CCDC61: variants seen among roughly 807,000 people sequenced by gnomAD.
CCDC61 encodes coiled-coil domain containing 61.
Under a neutral mutation model 63.0 loss-of-function variants are expected in CCDC61, and 55 were observed. That is an observed-to-expected ratio of 0.87 (90% CI 0.70 to 1.09). CCDC61 has a LOEUF of 1.09. CCDC61 is among the 50% of genes least tolerant of loss of function. The pLI is 0.00. For missense variants in CCDC61, 651 were observed against 731.4 expected (o/e 0.89, Z 1.27); for synonymous variants, 270 against 317.0 (o/e 0.85, Z 1.58).
chr19:46,017,476 G>C (rs547750630), intron 12 of CCDC61, among the ~76,000 whole-genome samples, 172 bp downstream of exon 12: 1 of 151,900 alleles, frequency 6.6e-6, no homozygotes, highest in African/African-American at 2.4e-5. Context: ...TGTAGCTCAC[G>C]GCAGCTTTCA....
rs779621058 is a variant in CCDC61 at position 46,018,402 on chromosome 19, A to C, written c.*15A>C. ...TGCGGTCATAACGTGGAGAAGGGGT[A>C]CTACCCCTCCATCCCCCACCCACTT... On this transcript the variant is annotated 3_prime_UTR_variant, in exon 14 of 14. Coordinates refer to ENST00000595358, the MANE Select transcript of CCDC61 (RefSeq NM_001267723.2). The surrounding 1 kb of genome is among the most constrained non-coding windows in gnomAD (Gnocchi z 4.2). The C allele has an allele frequency of 6.4e-7, 1 of 1,550,974 alleles. No individual in the cohort carries two copies. Among genetic ancestry groups the C allele is most frequent in the South Asian group, 1.2e-5 (1 of 84,174 alleles).
chr19:45,999,940 G>A (rs992325202), intron 1 of CCDC61: 3 of 822,312 alleles, frequency 3.6e-6, no homozygotes, highest in Non-Finnish European at 4.4e-6. Flanking sequence ...GCTGGGATGC[G>A]TGAGGTCAGG....
At chr19:46,004,822 G>A (rs559292668) in intron 3 of CCDC61, among the ~76,000 whole-genome samples, 5 of 149,638 alleles carry the variant, frequency 3.3e-5, no homozygotes, top group African/African-American at 1.2e-4. Context: ...AGGGATGGGT[G>A]GTATTTAGAT....
At chr19:46,007,708 C>T (rs1968738626) in intron 4 of CCDC61, among the ~76,000 whole-genome samples, 1 of 152,208 alleles carries the variant, frequency 6.6e-6, no homozygotes, top group African/African-American at 2.4e-5. Context: ...TACCAATCCT[C>T]TGTGAATAGC....
chr19:46,016,763 G>C lies in CCDC61; in HGVS notation c.1161G>C (p.Gln387His). 1.9e-6 allele frequency: 3 copies of C among 1,584,232 alleles called. No individual in the cohort carries two copies. Among genetic ancestry groups the C allele is most frequent in the Non-Finnish European group, 2.6e-6 (3 of 1,166,252 alleles). ...GTCCGTCCGTCTCCTGGTCTCGCCA[G>C]ACCCAGCCCCCTGCTGCCTTGACTG... Reference protein sequence around the residue: ...GDGPSVSWSRQTQPPAALTGR... With the variant: ...GDGPSVSWSRHTQPPAALTGR... The change falls in exon 10 of 14, where the codon CAG (glutamine) becomes CAC (histidine). Residue 387 changes from glutamine (Q) to histidine (H), a missense_variant. Physicochemically the swap from Gln to His is conservative, Grantham distance 24 (BLOSUM62 0). Transcript: ENST00000595358. The surrounding 1 kb of genome is among the most constrained non-coding windows in gnomAD (Gnocchi z 7.2).
intron 1 of CCDC61, among the ~76,000 whole-genome samples, chr19:45,996,758 G>A (rs376673959): frequency 4.6e-5 from 7 of 152,126 alleles, no homozygotes; most frequent in African/African-American, 1.2e-4. Flanking sequence ...CTAGCAGATC[G>A]CATTAGCTCT....
chr19:46,011,014 C>A (rs1049259365), intron 5 of CCDC61, among the ~76,000 whole-genome samples: 2 of 152,066 alleles, frequency 1.3e-5, no homozygotes, highest in Admixed American at 6.5e-5. Context: ...CTAAATACGG[C>A]TGCACATTGC....
At chr19:46,004,187 G>A (rs924083815) in intron 3 of CCDC61, among the ~76,000 whole-genome samples, 8 of 152,168 alleles carry the variant, frequency 5.3e-5, no homozygotes, top group Non-Finnish European at 7.4e-5. Flanking sequence ...TGATCCACCC[G>A]CCTCTGCCTC....
At position 46,016,156 on chromosome 19, in the gene CCDC61, A is replaced by C; in HGVS notation, c.948A>C (p.Ser316=). 8.7e-6 allele frequency: 11 copies of C among 1,269,372 alleles called. No individual in the cohort carries two copies. The highest frequency in any genetic ancestry group is 9.9e-6 in the Non-Finnish European group (10 of 1,009,962). 78.6% of individuals were successfully genotyped at this position (1,269,372 alleles called of 1,614,324 possible). ...ASRGRGAARS[S]SRESGRGSRG... Reference sequence around the variant, plus strand: ...GAGGCCGCGGCGCCGCGCGCTCCTCATCCCGGGAGAGCGGCCGCGGGAGCC... The same window carrying C: ...GAGGCCGCGGCGCCGCGCGCTCCTCCTCCCGGGAGAGCGGCCGCGGGAGCC... The change falls in exon 8 of 14, where the codon TCA becomes TCC. Residue 316 remains serine, a synonymous_variant. Transcript: ENST00000595358. This position sits in a 1 kb window ranked among gnomAD's most constrained non-coding sequence, Gnocchi z 7.2.
At chr19:46,012,719 A>C (rs1181833282) in intron 5 of CCDC61, among the ~76,000 whole-genome samples, 4 of 151,866 alleles carry the variant, frequency 2.6e-5, no homozygotes, top group African/African-American at 9.7e-5. Context: ...TTTCCGGGAG[A>C]GACCCTCCTG....
At position 46,018,429 on chromosome 19, in the gene CCDC61, C is replaced by T; in HGVS notation, c.*42C>T. ...TACCCCTCCATCCCCCACCCACTTG[C>T]TGGGTATGGTGTGGGGGGTGGGGCC... On this transcript the variant is annotated 3_prime_UTR_variant, in exon 14 of 14. Transcript: ENST00000595358. This position sits in a 1 kb window ranked among gnomAD's most constrained non-coding sequence, Gnocchi z 4.2. 6.7e-7 allele frequency: 1 copy of T among 1,494,424 alleles called. No homozygotes were observed. Among genetic ancestry groups the T allele is most frequent in the South Asian group, 1.2e-5 (1 of 81,952 alleles). 92.6% of individuals were successfully genotyped at this position (1,494,424 alleles called of 1,614,324 possible).
chr19:46,018,266 C>A lies in CCDC61; in HGVS notation c.1442-24C>A. ...TGGGGCTTCAGGCCCCTCACAGCCCCCATACCCACACCTGCTCTCACAGAG... is the reference window on the plus strand; with the variant it reads ...TGGGGCTTCAGGCCCCTCACAGCCCACATACCCACACCTGCTCTCACAGAG... On this transcript the variant is annotated intron_variant, in intron 13 of 13. Transcript: ENST00000595358. The surrounding 1 kb of genome is among the most constrained non-coding windows in gnomAD (Gnocchi z 4.2). 9 of 1,557,202 alleles carry A rather than the reference C, an allele frequency of 5.8e-6. No individual in the cohort carries two copies. Among genetic ancestry groups the A allele is most frequent in the Non-Finnish European group, 7.8e-6 (9 of 1,150,270 alleles).
Position 46,015,446 on chromosome 19 carries a change from A to G in CCDC61, c.845+19A>G, listed in dbSNP as rs779730218. 2.1e-6 allele frequency: 3 copies of G among 1,413,374 alleles called. No homozygotes were observed. Among genetic ancestry groups the G allele is most frequent in the East Asian group, 3.5e-5 (1 of 28,270 alleles). The allele number at this position is 1,413,374 out of a possible 1,614,324, so 87.6% of individuals were successfully genotyped here. ...AGAGGGGGTGAGAGCGAGGCCTGCCAGGCGCCTGGGCGGATGGGCGGGCCC... is the reference window on the plus strand; with the variant it reads ...AGAGGGGGTGAGAGCGAGGCCTGCCGGGCGCCTGGGCGGATGGGCGGGCCC... On this transcript the variant is annotated intron_variant, in intron 7 of 13. Coordinates refer to ENST00000595358, the MANE Select transcript of CCDC61 (RefSeq NM_001267723.2). The surrounding 1 kb of genome is among the most constrained non-coding windows in gnomAD (Gnocchi z 5.3).
intron 1 of CCDC61, 22 bp downstream of exon 1, chr19:45,995,526 G>A (rs1485143912): frequency 2.0e-6 from 1 of 510,728 alleles, no homozygotes; most frequent in Non-Finnish European, 4.0e-6. Flanking sequence ...CGGGAGTGGC[G>A]GTTGCGCGGG....
At chr19:46,009,805 T>C (rs1300485692) in intron 5 of CCDC61, among the ~76,000 whole-genome samples, 4 of 134,848 alleles carry the variant, frequency 3.0e-5, no homozygotes, top group Admixed American at 2.8e-4. Context: ...TCTCAGGCTG[T>C]GTGTGTGTGT....
chr19:46,006,677 A>G lies in CCDC61; in HGVS notation c.350A>G (p.Lys117Arg). 1 of 1,613,640 alleles carries G rather than the reference A, an allele frequency of 6.2e-7. No homozygotes were observed. Among genetic ancestry groups the G allele is most frequent in the Non-Finnish European group, 8.5e-7 (1 of 1,179,748 alleles). The change falls in exon 4 of 14, where the codon AAG becomes AGG. Residue 117 changes from lysine (K) to arginine (R), a missense_variant. Coordinates refer to ENST00000595358, the MANE Select transcript of CCDC61 (RefSeq NM_001267723.2). The part of the protein sequence containing the change: ...LAPRSAQLNS[K>R]RYLILIYSVE... Reference sequence around the variant, plus strand: ...CCCAGGTCGGCCCAGCTCAACTCCAAGCGCTACCTGATCCTCATCTACTCC... The same window carrying G: ...CCCAGGTCGGCCCAGCTCAACTCCAGGCGCTACCTGATCCTCATCTACTCC...
At chr19:46,000,822 T>G (rs1334340370) in intron 1 of CCDC61, among the ~76,000 whole-genome samples, 2 of 57,988 alleles carry the variant, frequency 3.4e-5, no homozygotes, top group East Asian at 4.3e-4. Flanking sequence ...CAGGGCGGGG[T>G]GGGGGCTAAG....
chr19:46,008,236 G>C lies in CCDC61; in HGVS notation c.486G>C (p.Leu162=), dbSNP rs750084625. The C allele has an allele frequency of 3.1e-6, 5 of 1,588,646 alleles. No homozygotes were observed. In the South Asian group the frequency reaches 4.4e-5, roughly 14 times the overall value. The change falls in exon 5 of 14, where the codon CTG becomes CTC. Residue 162 remains leucine (L), a synonymous_variant. Coordinates refer to ENST00000595358, the MANE Select transcript of CCDC61 (RefSeq NM_001267723.2). The part of the protein sequence containing the change: ...IRSLKEELGR[L]QGLDGQNTRD... ...CACTGAAGGAGGAACTGGGCCGCCTGCAAGGGCTGGATGGCCAGAACACTC... is the reference window on the plus strand; with the variant it reads ...CACTGAAGGAGGAACTGGGCCGCCTCCAAGGGCTGGATGGCCAGAACACTC...
intron 5 of CCDC61, among the ~76,000 whole-genome samples, chr19:46,011,839 G>A (rs1968834410): frequency 6.6e-6 from 1 of 152,158 alleles, no homozygotes. Context: ...GTCTCGCACT[G>A]TCACCCAGGC....
Sources: allele counts gnomAD v4.1 joint callset (sites outside exome capture counted in the v4.1 genomes callset), GRCh38; gene constraint gnomAD v4.1.1; non-coding constraint Gnocchi (gnomAD v3.1); transcripts MANE v1.5; gene names NCBI Gene and HGNC (gene_info 2026-07-23, HGNC 2026-07-21).